The following ATP10B variants were observed in gnomAD, a reference collection of about 807,000 sequenced individuals.
The protein encoded by ATP10B is phospholipid-transporting ATPase VB.
Under a neutral mutation model 141.2 loss-of-function variants are expected in ATP10B, and 122 were observed. That is an observed-to-expected ratio of 0.86 (90% CI 0.75 to 1.00). The LOEUF (loss-of-function observed/expected upper bound fraction) is 1.00, where lower values mean the gene tolerates loss of function less well. Among genes scored for constraint, ATP10B ranks in the 50% least tolerant of loss-of-function variants. ATP10B has a pLI of 0.00. For synonymous variants in ATP10B, 685 were observed against 692.0 expected, an observed-to-expected ratio of 0.99 and a Z score of 0.16; for missense variants, 1,876 against 1,825.3, an observed-to-expected ratio of 1.03 and a Z score of -0.51.
the ATP10B span, among the ~76,000 whole-genome samples, chr5:160,902,383 T>G: frequency 6.6e-6 from 1 of 152,188 alleles, no homozygotes; most frequent in African/African-American, 2.4e-5. Flanking sequence ...TATATGACCT[T>G]AAAGAAACAA....
chr5:160,732,240 T>C (rs1433105668), intron 2 of ATP10B, among the ~76,000 whole-genome samples: 1 of 152,196 alleles, frequency 6.6e-6, no homozygotes, highest in Non-Finnish European at 1.5e-5. Flanking sequence ...ATTTAAAAAT[T>C]CACTGGACAG....
chr5:160,879,792 G>T, the ATP10B span, among the ~76,000 whole-genome samples: 1 of 151,992 alleles, frequency 6.6e-6, no homozygotes, highest in African/African-American at 2.4e-5. Flanking sequence ...GAGCCGAGAT[G>T]GCGCCACTGC....
intron 1 of ATP10B, among the ~76,000 whole-genome samples, chr5:160,815,863 T>C (rs2127954025): frequency 1.3e-5 from 2 of 152,250 alleles, no homozygotes; most frequent in East Asian, 3.9e-4. Context: ...GAAACTCACT[T>C]AAAACCACTC....
At chr5:160,928,642 C>T in the ATP10B span, among the ~76,000 whole-genome samples, 1 of 152,176 alleles carries the variant, frequency 6.6e-6, no homozygotes, top group Non-Finnish European at 1.5e-5. Context: ...CCCAGTCATG[C>T]TTTGCAAATC....
At chr5:160,630,847 C>A (rs1037229245) in intron 13 of ATP10B, among the ~76,000 whole-genome samples, 1 of 152,190 alleles carries the variant, frequency 6.6e-6, no homozygotes, top group East Asian at 1.9e-4. Flanking sequence ...GGGAACTCAA[C>A]TTTGTCCTCA....
intron 1 of ATP10B, among the ~76,000 whole-genome samples, chr5:160,796,945 G>A (rs957378199): frequency 1.6e-4 from 25 of 152,306 alleles, no homozygotes; most frequent in Admixed American, 1.6e-3. Context: ...AGCTTAAACG[G>A]CAATCTTCTT....
chr5:160,573,186 G>T (rs1754985740), intron 24 of ATP10B, among the ~76,000 whole-genome samples: 2 of 152,198 alleles, frequency 1.3e-5, no homozygotes, highest in Admixed American at 1.3e-4. Flanking sequence ...GCCCTTATAA[G>T]AAAAGACATG....
chr5:160,705,497 T>C (rs143614786), intron 3 of ATP10B, among the ~76,000 whole-genome samples: 37 of 152,228 alleles, frequency 2.4e-4, no homozygotes, highest in African/African-American at 7.9e-4. Context: ...ACAAGTGTGA[T>C]TACAATTGGG....
chr5:160,624,475 G>C (rs1758510383), intron 13 of ATP10B, among the ~76,000 whole-genome samples: 2 of 152,182 alleles, frequency 1.3e-5, no homozygotes, highest in African/African-American at 4.8e-5. Flanking sequence ...CTACTTACCA[G>C]AAGCAAGAGG....
rs114248118 is a variant in ATP10B, at chr5:160,694,744, C to T, written c.-204-5801G>A. ...AATCAACAAATACTTATTGAATCCTCGTTTATATACCAGGTGAGTAAAACC... is the reference window on the plus strand; with the variant it reads ...AATCAACAAATACTTATTGAATCCTTGTTTATATACCAGGTGAGTAAAACC... On this transcript the variant is annotated intron_variant, in intron 3 of 25. Coordinates refer to ENST00000327245, the MANE Select transcript of ATP10B (RefSeq NM_025153.3). Among the ~76,000 whole-genome samples the T allele has an allele frequency of 4.6e-3, 708 of 152,280 alleles. 4 individuals carry two copies. The highest frequency in any genetic ancestry group is 0.016 in the African/African-American group (680 of 41,538).
At chr5:160,606,709 C>T in intron 19 of ATP10B, 56 bp downstream of exon 19, 1 of 1,554,520 alleles carries the variant, frequency 6.4e-7, no homozygotes, top group South Asian at 1.2e-5. Context: ...TCTGGTCCAG[C>T]CTTTCATCAG....
At position 160,564,779 on chromosome 5, in the gene ATP10B, T is replaced by C. The variant is rs1754437784; in HGVS notation, c.*674A>G. 6.6e-6 allele frequency: 1 copy of C among 152,236 alleles called. No individual in the cohort carries two copies. Among genetic ancestry groups the C allele is most frequent in the Non-Finnish European group, 1.5e-5 (1 of 68,086 alleles). 9.4% of individuals were successfully genotyped at this position (152,236 alleles called of 1,614,324 possible). A position where few individuals can be genotyped will look rare whatever the true frequency, so the allele number is the denominator to read the frequency against. ...TGGTGCACCCGTTCCCTTTTGCATG[T>C]CTATTCTTCATGCCTCTTACACTAG... On this transcript the variant is annotated 3_prime_UTR_variant, in exon 26 of 26. Coordinates refer to ENST00000327245, the MANE Select transcript of ATP10B (RefSeq NM_025153.3).
Position 160,632,127 on chromosome 5 carries a change from A to T in ATP10B, c.1620+2T>A, listed in dbSNP as rs1384400453. On this transcript the variant is annotated splice_donor_variant, in intron 13 of 25. Coordinates refer to ENST00000327245, the MANE Select transcript of ATP10B (RefSeq NM_025153.3). LOFTEE classifies it high-confidence loss of function. ...AGTTCAAAGGCAAAAGTCAGGACTT[A>T]CTATGGAGCTGCTGAAGGCCACAGG... 6.2e-7 allele frequency: 1 copy of T among 1,609,630 alleles called. No homozygotes were observed. The highest frequency in any genetic ancestry group is 8.5e-7 in the Non-Finnish European group (1 of 1,176,568).
intron 20 of ATP10B, 81 bp from the exon 21 acceptor site, chr5:160,602,783 G>A: frequency 6.3e-7 from 1 of 1,590,436 alleles, no homozygotes; most frequent in African/African-American, 1.3e-5. Context: ...GCGTTGCTTT[G>A]GTCTAGGCCT....
At chr5:160,844,659 C>T (rs1169607497) in intron 1 of ATP10B, among the ~76,000 whole-genome samples, 2 of 151,820 alleles carry the variant, frequency 1.3e-5, no homozygotes, top group Non-Finnish European at 2.9e-5. Context: ...GATTCTCCTG[C>T]CTCAGCATCC....
At chr5:160,809,978 G>T (rs1003901203) in intron 1 of ATP10B, among the ~76,000 whole-genome samples, 14 of 152,004 alleles carry the variant, frequency 9.2e-5, no homozygotes, top group Non-Finnish European at 1.3e-4. Context: ...TTAAGACATT[G>T]GTCAGGTAAC....
chr5:160,828,083 G>A (rs1009767644), intron 1 of ATP10B, among the ~76,000 whole-genome samples: 19 of 152,158 alleles, frequency 1.2e-4, no homozygotes, highest in South Asian at 2.1e-4. Context: ...AGACTTACAC[G>A]TTAGACCTAA....
At chr5:160,819,930 TTCAAA>T (rs1773973206) in intron 1 of ATP10B, among the ~76,000 whole-genome samples, 1 of 151,594 alleles carries the variant, frequency 6.6e-6, no homozygotes, top group Non-Finnish European at 1.5e-5. Flanking sequence ...GAAGAAAGAC[TTCAAA>T]TCAACAATCT....
chr5:160,616,810 A>C (rs1758047452), intron 16 of ATP10B, among the ~76,000 whole-genome samples: 1 of 152,232 alleles, frequency 6.6e-6, no homozygotes, highest in Non-Finnish European at 1.5e-5. Flanking sequence ...GGGAGGCAAA[A>C]TATGCACAAA....
Sources: gnomAD v4.1 joint callset for allele counts (sites outside exome capture counted in the v4.1 genomes callset) on GRCh38, gnomAD v4.1.1 for gene constraint, MANE v1.5 for transcripts, NCBI Gene and HGNC (gene_info 2026-07-23, HGNC 2026-07-21) for gene names.